Variants in MYRIP observed in about 807,000 individuals in gnomAD.
The protein encoded by MYRIP is myosin VIIA and Rab interacting protein, also known as rab effector MyRIP.
MYRIP carries 49 observed loss-of-function variants against 98.0 expected under a neutral mutation model. The observed-to-expected ratio is 0.50, with a 90% CI of 0.40 to 0.63. MYRIP has a LOEUF of 0.63. Ranked by LOEUF, MYRIP falls within the 30% of genes least tolerant of loss-of-function variation. The pLI, the probability that MYRIP is intolerant of heterozygous loss-of-function variation, is 0.00. For missense variants in MYRIP, 1,004 were observed against 1,058.2 expected, an observed-to-expected ratio of 0.95 and a Z score of 0.71; for synonymous variants, 404 against 409.5, an observed-to-expected ratio of 0.99 and a Z score of 0.16.
intron 2 of MYRIP, among the ~76,000 whole-genome samples, chr3:39,995,518 A>G (rs1220317065): frequency 3.9e-5 from 6 of 152,248 alleles, no homozygotes; most frequent in African/African-American, 1.2e-4. Flanking sequence ...CAGAGCCTCC[A>G]AGAAATATGG....
intron 1 of MYRIP, among the ~76,000 whole-genome samples, chr3:39,843,101 C>T (rs1218053596): frequency 2.6e-5 from 4 of 152,208 alleles, no homozygotes; most frequent in Non-Finnish European, 5.9e-5. Context: ...TAAACAATTT[C>T]CCTCCTTCCA....
At chr3:40,077,980 T>C (rs1317166094) in intron 3 of MYRIP, among the ~76,000 whole-genome samples, 1 of 151,984 alleles carries the variant, frequency 6.6e-6, no homozygotes, top group Non-Finnish European at 1.5e-5. Context: ...GAGCAGGGGG[T>C]GGCGCTCGTT....
chr3:40,135,536 C>A lies in MYRIP; in HGVS notation c.333-15512C>A, dbSNP rs185666444. Among the ~76,000 whole-genome samples the A allele has an allele frequency of 4.1e-4, 63 of 152,234 alleles. No individual in the cohort carries two copies. The East Asian group carries it at 0.012, about 28-fold the overall frequency. ...CAAATTCAGGAAATACAGAGAACGC[C>A]ATAAAGATACTCCTCGAGAAGAGCA... On this transcript the variant is annotated intron_variant, in intron 3 of 16. Transcript: ENST00000302541.
chr3:39,899,819 A>T (rs1475351877), intron 1 of MYRIP, among the ~76,000 whole-genome samples: 2 of 152,070 alleles, frequency 1.3e-5, no homozygotes, highest in East Asian at 3.9e-4. Flanking sequence ...CCATATGCTT[A>T]TTTGCCATTT....
rs554916198 is a variant in MYRIP, at chr3:40,244,225, G to T, written c.2101-221G>T. ...AACTTTGAAATGCTTTTTCTTACAG[G>T]AAAGTTTGTGGGAGAGGGAAGGTGT... On this transcript the variant is annotated intron_variant, in intron 12 of 16. Transcript: ENST00000302541. 2.3e-4 allele frequency among the ~76,000 whole-genome samples: 35 copies of T among 152,292 alleles called. No homozygotes were observed. In the South Asian group the frequency reaches 6.6e-3, roughly 29 times the overall value.
intron 1 of MYRIP, among the ~76,000 whole-genome samples, chr3:39,886,283 A>C (rs1289330185): frequency 1.3e-5 from 2 of 151,994 alleles, no homozygotes; most frequent in African/African-American, 4.8e-5. Context: ...GCATCAACTA[A>C]CGAGCAAACT....
At chr3:39,818,464 A>G (rs571930250) in intron 1 of MYRIP, among the ~76,000 whole-genome samples, 2 of 152,264 alleles carry the variant, frequency 1.3e-5, no homozygotes, top group African/African-American at 2.4e-5. Flanking sequence ...AGAGTTATCC[A>G]TGGAGGTTGT....
At chr3:40,189,607 T>C (rs761076211) in intron 9 of MYRIP, among the ~76,000 whole-genome samples, 1 of 152,214 alleles carries the variant, frequency 6.6e-6, no homozygotes, top group Non-Finnish European at 1.5e-5. Flanking sequence ...TGAGTTTCTC[T>C]GCATCTGTGA....
At chr3:39,909,361 G>C (rs979418642) in intron 2 of MYRIP, among the ~76,000 whole-genome samples, 2 of 152,146 alleles carry the variant, frequency 1.3e-5, no homozygotes, top group Non-Finnish European at 2.9e-5. Flanking sequence ...TTATTAATTT[G>C]CTTCAAAATC....
chr3:40,107,074 G>A (rs1484255655), intron 3 of MYRIP, among the ~76,000 whole-genome samples: 1 of 152,222 alleles, frequency 6.6e-6, no homozygotes, highest in Non-Finnish European at 1.5e-5. Context: ...GATTATGCTA[G>A]TATTGCAACC....
chr3:40,103,281 G>A (rs1394472605), intron 3 of MYRIP, among the ~76,000 whole-genome samples: 1 of 152,088 alleles, frequency 6.6e-6, no homozygotes, highest in Non-Finnish European at 1.5e-5. Flanking sequence ...TTTTAAGATA[G>A]CATTTTCTCT....
intron 3 of MYRIP, among the ~76,000 whole-genome samples, chr3:40,106,055 C>T (rs922166055): frequency 2.0e-5 from 3 of 151,816 alleles, no homozygotes; most frequent in Non-Finnish European, 4.4e-5. Context: ...CCACCTCCAA[C>T]ACTGGGGATT....
chr3:40,145,632 G>A (rs1276886270), intron 3 of MYRIP, among the ~76,000 whole-genome samples: 5 of 152,178 alleles, frequency 3.3e-5, no homozygotes, highest in Admixed American at 3.3e-4. Flanking sequence ...AGTGTAAATT[G>A]GTGCAAGCTT....
intron 3 of MYRIP, 150 bp downstream of exon 3, chr3:40,044,421 A>G: frequency 2.5e-6 from 2 of 796,176 alleles, no homozygotes; most frequent in Non-Finnish European, 3.9e-6. Context: ...AGATGCATGG[A>G]TAAGGAAACC....
intron 11 of MYRIP, among the ~76,000 whole-genome samples, chr3:40,221,042 C>CAAAAA (rs150976340): frequency 3.2e-5 from 2 of 61,588 alleles, no homozygotes; most frequent in African/African-American, 1.1e-4. Flanking sequence ...GGCAAGTCAC[C>CAAAAA]AAAAAAAAAA....
In MYRIP at chr3:40,172,024, C is replaced by T. The variant is rs1575594604; in HGVS notation, c.873+1931C>T. Reference sequence around the variant, plus strand: ...ACCATCAGATCTCATATGGGAAAGACCCGCCCCCATGATTCAATTACCTTC... The same window carrying T: ...ACCATCAGATCTCATATGGGAAAGATCCGCCCCCATGATTCAATTACCTTC... On this transcript the variant is annotated intron_variant, in intron 8 of 16. Coordinates refer to ENST00000302541, the MANE Select transcript of MYRIP (RefSeq NM_015460.4). Among the ~76,000 whole-genome samples, 4 of 152,184 alleles carry T rather than the reference C, an allele frequency of 2.6e-5. No homozygotes were observed. In the South Asian group the frequency reaches 8.3e-4, roughly 32 times the overall value.
rs189450111 is a variant in MYRIP at position 39,942,612 on chromosome 3, T to C, written c.110+41686T>C. On this transcript the variant is annotated intron_variant, in intron 2 of 16. Transcript: ENST00000302541. ...ATGTGTAATGATCAAATCAGGGTAATTGGGATTTCTATCTCCTTAAACATT... is the reference window on the plus strand; with the variant it reads ...ATGTGTAATGATCAAATCAGGGTAACTGGGATTTCTATCTCCTTAAACATT... Among the ~76,000 whole-genome samples the C allele has an allele frequency of 2.0e-3, 306 of 152,286 alleles. 1 individual carries two copies. Among genetic ancestry groups the C allele is most frequent in the Non-Finnish European group, 3.6e-3 (242 of 68,014 alleles).
At chr3:39,993,163 A>AAGGCAAGAAAGAG (rs1946223762) in intron 2 of MYRIP, among the ~76,000 whole-genome samples, 1 of 152,194 alleles carries the variant, frequency 6.6e-6, no homozygotes, top group Non-Finnish European at 1.5e-5. Context: ...AGGCAAAAGA[A>AAGGCAAGAAAGAG]AGGCAAGAAA....
At chr3:40,044,015 C>T in intron 2 of MYRIP, 35 bp from the exon 3 acceptor site, 1 of 1,599,634 alleles carries the variant, frequency 6.3e-7, no homozygotes, top group Non-Finnish European at 8.5e-7. Context: ...TTGTGTTTCT[C>T]TCCTCCTCCC....
Sources: gnomAD v4.1 joint callset for allele counts (sites outside exome capture counted in the v4.1 genomes callset) on GRCh38, gnomAD v4.1.1 for gene constraint, MANE v1.5 for transcripts, NCBI Gene and HGNC (gene_info 2026-07-23, HGNC 2026-07-21) for gene names.